ASXL3: variants seen among roughly 807,000 people sequenced by gnomAD.
ASXL3 encodes putative Polycomb group protein ASXL3.
ASXL3 carries 34 observed loss-of-function variants against 170.6 expected under a neutral mutation model. The ratio of observed to expected loss-of-function variants is 0.20; its 90% CI spans 0.15 to 0.27. The LOEUF (loss-of-function observed/expected upper bound fraction) is 0.27, where lower values mean the gene tolerates loss of function less well. Ranked by LOEUF, ASXL3 falls within the 10% of genes least tolerant of loss-of-function variation. ASXL3 has a pLI of 1.00. For synonymous variants in ASXL3, 1,002 were observed against 989.1 expected, an observed-to-expected ratio of 1.01 and a Z score of -0.24; for missense variants, 2,592 against 2,695.3, an observed-to-expected ratio of 0.96 and a Z score of 0.85.
chr18:33,626,650 C>T, intron 2 of ASXL3: 1 of 152,008 alleles, frequency 6.6e-6, no homozygotes, highest in East Asian at 1.9e-4. Context: ...TTTGGGATCA[C>T]CTCAACAACC....
At position 33,620,431 on chromosome 18, in the gene ASXL3, C is replaced by T. The variant is rs140181559; in HGVS notation, c.137+12755C>T. Among the ~76,000 whole-genome samples the T allele has an allele frequency of 6.6e-5, 10 of 152,116 alleles. No homozygotes were observed. The East Asian group carries it at 1.6e-3, about 24-fold the overall frequency. On this transcript the variant is annotated intron_variant, in intron 2 of 11. Transcript: ENST00000269197. ...TTAGCAAGGCTCACTTTGGAAGCCT[C>T]CTCTCCCACTCTCCCACTCTCCCCC...
At chr18:33,638,717 TC>T (rs769595827) in intron 2 of ASXL3, among the ~76,000 whole-genome samples, 30 of 152,202 alleles carry the variant, frequency 2.0e-4, no homozygotes, top group Non-Finnish European at 3.7e-4. Flanking sequence ...GTAAGATTCC[TC>T]ATCTCTGAAT....
At chr18:33,591,665 G>C (rs148097462) in intron 1 of ASXL3, among the ~76,000 whole-genome samples, 1 of 145,272 alleles carries the variant, frequency 6.9e-6, no homozygotes, top group Non-Finnish European at 1.5e-5. Context: ...TTTTTTAAAC[G>C]AAGTCTTTCT....
At chr18:33,742,634 C>T (rs2067683246) in intron 11 of ASXL3, among the ~76,000 whole-genome samples, 1 of 152,160 alleles carries the variant, frequency 6.6e-6, no homozygotes, top group African/African-American at 2.4e-5. Flanking sequence ...GAAGATTCTT[C>T]ATTTCCATGC....
rs916740490 is a variant in ASXL3, at chr18:33,750,559, G to A, written c.*3964G>A. On this transcript the variant is annotated 3_prime_UTR_variant, in exon 12 of 12. Coordinates refer to ENST00000269197, the MANE Select transcript of ASXL3 (RefSeq NM_030632.3). ...AGTTTTTTTTTTTTAATGTGTGTTC[G>A]TTTGTACAATTTTTTTTTTTTGGTC... The A allele has an allele frequency of 7.9e-5, 9 of 113,374 alleles. No individual in the cohort carries two copies. Among genetic ancestry groups the A allele is most frequent in the East Asian group, 3.9e-4 (1 of 2,556 alleles). 7.0% of individuals were successfully genotyped at this position (113,374 alleles called of 1,614,324 possible).
At chr18:33,651,101 A>T (rs1046736466) in intron 4 of ASXL3, among the ~76,000 whole-genome samples, 3 of 152,150 alleles carry the variant, frequency 2.0e-5, no homozygotes, top group African/African-American at 7.2e-5. Flanking sequence ...CTTAGTAGCC[A>T]GTCATCATTG....
At chr18:33,717,412 ACTC>A (rs376820483) in intron 8 of ASXL3, among the ~76,000 whole-genome samples, 1 of 152,134 alleles carries the variant, frequency 6.6e-6, no homozygotes, top group African/African-American at 2.4e-5. Flanking sequence ...TTAAATGTTT[ACTC>A]CTCATATGTT....
chr18:33,679,579 G>A (rs2066481928), intron 7 of ASXL3, among the ~76,000 whole-genome samples: 1 of 152,052 alleles, frequency 6.6e-6, no homozygotes, highest in Non-Finnish European at 1.5e-5. Flanking sequence ...GGGAGTTCCA[G>A]AGATAGGTCA....
At chr18:33,727,470 A>G (rs1437733962) in intron 8 of ASXL3, among the ~76,000 whole-genome samples, 1 of 152,136 alleles carries the variant, frequency 6.6e-6, no homozygotes, top group African/African-American at 2.4e-5. Context: ...CATACCAAAG[A>G]CAAATGATAT....
intron 6 of ASXL3, 31 bp from the exon 7 acceptor site, chr18:33,671,716 A>G (rs963813899): frequency 1.3e-6 from 2 of 1,556,842 alleles, no homozygotes; most frequent in African/African-American, 2.7e-5. Context: ...GCTAGAGAAG[A>G]TAATGACATA....
At chr18:33,593,223 T>C (rs8094056) in intron 1 of ASXL3, among the ~76,000 whole-genome samples, 31,959 of 150,008 alleles carry the variant, frequency 0.21, 5,792 homozygotes, top group African/African-American at 0.5. Context: ...TTTCTTTCTT[T>C]ATTTCTTTTC....
chr18:33,598,418 G>T (rs539743441), intron 1 of ASXL3, among the ~76,000 whole-genome samples: 16 of 152,110 alleles, frequency 1.1e-4, no homozygotes, highest in Admixed American at 6.6e-4. Flanking sequence ...GCCCCCCAGT[G>T]CCTCTGTATA....
intron 2 of ASXL3, among the ~76,000 whole-genome samples, chr18:33,610,554 A>G (rs1156511917): frequency 1.3e-5 from 2 of 151,990 alleles, no homozygotes; most frequent in Non-Finnish European, 2.9e-5. Flanking sequence ...TATGTGTGCC[A>G]GGCAGGTCTC....
At chr18:33,587,403 A>G (rs991979173) in intron 1 of ASXL3, among the ~76,000 whole-genome samples, 4 of 152,108 alleles carry the variant, frequency 2.6e-5, no homozygotes, top group Admixed American at 1.3e-4. Flanking sequence ...TCTCTGTTCA[A>G]CTTTCTTATA....
intron 5 of ASXL3, among the ~76,000 whole-genome samples, chr18:33,666,136 C>T (rs970572997): frequency 6.6e-6 from 1 of 152,104 alleles, no homozygotes; most frequent in Non-Finnish European, 1.5e-5. Flanking sequence ...ACTGCATTTA[C>T]AGTCACCATC....
Position 33,683,542 on chromosome 18 carries a change from C to T in ASXL3, c.853C>T (p.Leu285Phe). ...TCAGCATTTTCAACAATACCTCCTG[C>T]TTTTGCTCCCAGAAGTGGATAGGCA... ...LPQHFQQYLL[L>F]LLPEVDRQMG... The change falls in exon 8 of 12, where the codon CTT (leucine) becomes TTT (phenylalanine). Residue 285 changes from leucine (L) to phenylalanine (F), a missense_variant. Physicochemically the swap from Leu to Phe is conservative, Grantham distance 22. Transcript: ENST00000269197. 6.2e-7 allele frequency: 1 copy of T among 1,613,010 alleles called. No individual in the cohort carries two copies. The highest frequency in any genetic ancestry group is 8.5e-7 in the Non-Finnish European group (1 of 1,179,472).
Position 33,739,650 on chromosome 18 carries a change from C to T in ASXL3, c.2246C>T (p.Pro749Leu). The T allele has an allele frequency of 6.2e-7, 1 of 1,613,888 alleles. No homozygotes were observed. Among genetic ancestry groups the T allele is most frequent in the Non-Finnish European group, 8.5e-7 (1 of 1,179,852 alleles). The change falls in exon 11 of 12, where the codon CCT becomes CTT. Residue 749 changes from proline (P) to leucine (L), a missense_variant. By Grantham distance (98) the Pro-to-Leu change is moderately conservative. Coordinates refer to ENST00000269197, the MANE Select transcript of ASXL3 (RefSeq NM_030632.3). ...ETTFVSSLPL[P>L]SETSPISNSS... ...ACTTTTGTATCCAGTTTGCCACTTCCTTCAGAAACATCTCCAATTTCCAAC... is the reference window on the plus strand; with the variant it reads ...ACTTTTGTATCCAGTTTGCCACTTCTTTCAGAAACATCTCCAATTTCCAAC...
Position 33,713,229 on chromosome 18 carries a change from GTTTTTTTTGTTTTGTTTTGTTTTTTTT to G in ASXL3, c.880-18730_880-18704del, listed in dbSNP as rs1239984469. Among the ~76,000 whole-genome samples the G allele has an allele frequency of 1.2e-4, 10 of 81,760 alleles. 2 individuals are homozygous for G. Among genetic ancestry groups the G allele is most frequent in the African/African-American group, 3.1e-4 (5 of 16,022 alleles). 53.6% of individuals were successfully genotyped at this position (81,760 alleles called of 152,430 possible). ...GCAGTTAGCAATCTACCACAAGAAG[GTTTTTTTTGTTTTGTTTTGTTTTTTTT>G]TTTTTTTTTTTTTTTTTTGAGACAG... On this transcript the variant is annotated intron_variant, in intron 8 of 11. Coordinates refer to ENST00000269197, the MANE Select transcript of ASXL3 (RefSeq NM_030632.3).
intron 8 of ASXL3, among the ~76,000 whole-genome samples, chr18:33,687,338 A>G (rs2145295080): frequency 6.6e-6 from 1 of 152,352 alleles, no homozygotes; most frequent in South Asian, 2.1e-4. Context: ...CCACTGTTTC[A>G]TGGCCATAAT....
Sources: allele counts gnomAD v4.1 joint callset (sites outside exome capture counted in the v4.1 genomes callset), GRCh38; gene constraint gnomAD v4.1.1; transcripts MANE v1.5; gene names NCBI Gene and HGNC (gene_info 2026-07-23, HGNC 2026-07-21).